The following NDP variants were observed in gnomAD, a reference collection of about 807,000 sequenced individuals.
The protein encoded by NDP is norrin.
In NDP, 2 loss-of-function variants were observed where a neutral mutation model predicts 8.4. The ratio of observed to expected loss-of-function variants is 0.24; its 90% confidence interval spans 0.10 to 0.75. NDP has a LOEUF of 0.75. NDP is among the 30% of genes least tolerant of loss of function. NDP has a pLI of 0.73. For synonymous variants in NDP, 55 were observed against 45.6 expected (o/e 1.21, Z -0.83); for missense variants, 81 against 110.1 (o/e 0.74, Z 1.18).
At chrX:43,971,425 A>T (rs2035890465) in intron 1 of NDP, among the ~76,000 whole-genome samples, 1 of 111,553 alleles carries the variant, frequency 9.0e-6, no homozygotes, top group Non-Finnish European at 1.9e-5. Flanking sequence ...TTGAAAAATG[A>T]TTTATTTTTC....
intron 2 of NDP, among the ~76,000 whole-genome samples, chrX:43,952,310 A>G (rs1471968367): frequency 9.0e-6 from 1 of 111,608 alleles, no homozygotes; most frequent in East Asian, 2.8e-4. Context: ...GCTGCTTGAT[A>G]CCTCACCTTG....
At chrX:43,972,666 C>G (rs2238975) in intron 1 of NDP, among the ~76,000 whole-genome samples, 32,411 of 110,873 alleles carry the variant, frequency 0.29, 3,481 homozygotes, top group African/African-American at 0.31. Context: ...CTCATCTCCT[C>G]CCGGTGCTCC....
intron 1 of NDP, among the ~76,000 whole-genome samples, chrX:43,971,522 G>A (rs1444471766): frequency 9.0e-6 from 1 of 111,563 alleles, no homozygotes; most frequent in Non-Finnish European, 1.9e-5. Flanking sequence ...TTGGTACACA[G>A]TCGTAAGAAG....
At chrX:43,967,290 A>C (rs2035863268) in intron 1 of NDP, among the ~76,000 whole-genome samples, 1 of 111,658 alleles carries the variant, frequency 9.0e-6, no homozygotes, top group Non-Finnish European at 1.9e-5. Context: ...CAGTGAAATC[A>C]CAGCAATGCA....
At position 43,949,882 on chromosome X, in the gene NDP, G is replaced by A. The variant is rs78267814; in HGVS notation, c.319C>T (p.Arg107Trp). 4 of 1,197,961 alleles carry A rather than the reference G, an allele frequency of 3.3e-6. No homozygotes were observed. The highest frequency in any genetic ancestry group is 2.3e-6 in the Non-Finnish European group (2 of 888,716). The change falls in exon 3 of 3, where the codon CGG (arginine) becomes TGG (tryptophan). Residue 107 changes from arginine (R) to tryptophan (W), a missense_variant. Arg to Trp is a moderately radical substitution (Grantham distance 101). Transcript: ENST00000642620. ...CGCATGCCCCCTGAGCATCGCAGCC[G>A]CAGTGCCTTCAGCTTGGAAGTCTGG... is the stretch of plus-strand genomic sequence containing the variant. ...RPQTSKLKAL[R>W]LRCSGGMRLT...
intron 1 of NDP, among the ~76,000 whole-genome samples, chrX:43,967,672 T>C (rs1227395092): frequency 1.8e-5 from 2 of 111,883 alleles, no homozygotes; most frequent in Non-Finnish European, 3.8e-5. Flanking sequence ...ACTTCTCCCC[T>C]GACCTGCTCT....
At chrX:43,956,101 G>A (rs1201998120) in intron 2 of NDP, among the ~76,000 whole-genome samples, 1 of 111,381 alleles carries the variant, frequency 9.0e-6, no homozygotes, top group Non-Finnish European at 1.9e-5. Context: ...TCCTTACCAG[G>A]ATAATGGGAA....
intron 1 of NDP, among the ~76,000 whole-genome samples, chrX:43,971,304 G>A (rs1039792580): frequency 5.3e-5 from 6 of 112,270 alleles, no homozygotes; most frequent in Non-Finnish European, 1.1e-4. Flanking sequence ...CTTGAATTGT[G>A]AGTTCTTAAA....
chrX:43,972,197 T>A (rs969161265), intron 1 of NDP, among the ~76,000 whole-genome samples: 1 of 111,774 alleles, frequency 8.9e-6, no homozygotes, highest in Non-Finnish European at 1.9e-5. Flanking sequence ...TACAAAGAAC[T>A]GTACAAGGGA....
At chrX:43,967,191 C>A (rs958814437) in intron 1 of NDP, among the ~76,000 whole-genome samples, 1 of 111,178 alleles carries the variant, frequency 9.0e-6, no homozygotes, top group Admixed American at 9.6e-5. Flanking sequence ...TTCCCTGTAA[C>A]AATACTATTC....
At chrX:43,970,300 T>C (rs1452919728) in intron 1 of NDP, among the ~76,000 whole-genome samples, 4 of 111,765 alleles carry the variant, frequency 3.6e-5, no homozygotes, top group Admixed American at 9.4e-5. Flanking sequence ...CTGCTCCCAC[T>C]GGCTGCTGGC....
Position 43,958,654 on chromosome X carries a change from G to A in NDP, c.-9C>T. 1.7e-6 allele frequency: 2 copies of A among 1,208,390 alleles called. No homozygotes were observed. Among genetic ancestry groups the A allele is most frequent in the Non-Finnish European group, 2.2e-6 (2 of 892,531 alleles). ...AGTACATGTTTTCTCATTGTTGTAA[G>A]GAAAAACTTCTCTAGAAGAACAGCA... On this transcript the variant is annotated 5_prime_UTR_variant, in exon 2 of 3. Transcript: ENST00000642620.
chrX:43,967,995 A>G (rs1236144283), intron 1 of NDP, among the ~76,000 whole-genome samples: 1 of 111,742 alleles, frequency 8.9e-6, no homozygotes, highest in Non-Finnish European at 1.9e-5. Context: ...CAAATCTTAT[A>G]CCCAGTTTAA....
At chrX:43,964,779 C>T (rs2035847632) in intron 1 of NDP, among the ~76,000 whole-genome samples, 1 of 112,034 alleles carries the variant, frequency 8.9e-6, no homozygotes, top group African/African-American at 3.2e-5. Context: ...GACTCAATTT[C>T]CTCATCTGCA....
intron 1 of NDP, among the ~76,000 whole-genome samples, chrX:43,963,570 T>C (rs910612257): frequency 1.8e-5 from 2 of 111,935 alleles, no homozygotes; most frequent in Admixed American, 1.9e-4. Context: ...ATCAAAGAAA[T>C]TGCAAAAACA....
intron 1 of NDP, among the ~76,000 whole-genome samples, chrX:43,970,801 C>T (rs745383833): frequency 1.8e-5 from 2 of 111,764 alleles, no homozygotes; most frequent in Non-Finnish European, 3.8e-5. Context: ...GAGTAGGCGA[C>T]TCACACCCAT....
chrX:43,953,665 AT>A (rs752980456), intron 2 of NDP, among the ~76,000 whole-genome samples: 1 of 113,413 alleles, frequency 8.8e-6, no homozygotes, highest in Non-Finnish European at 1.9e-5. Flanking sequence ...GATCTACACT[AT>A]TAGGACAGAT....
intron 1 of NDP, among the ~76,000 whole-genome samples, chrX:43,962,618 C>T (rs530704572): frequency 4.5e-5 from 5 of 111,907 alleles, no homozygotes; most frequent in African/African-American, 1.3e-4. Flanking sequence ...ATGCTGCCTA[C>T]GAAGACTTAG....
chrX:43,964,828 C>T (rs2035847934), intron 1 of NDP, among the ~76,000 whole-genome samples: 1 of 111,855 alleles, frequency 8.9e-6, no homozygotes, highest in South Asian at 3.8e-4. Flanking sequence ...ATGTGTCTAT[C>T]CATTTCTAAC....
Sources: allele counts gnomAD v4.1 joint callset (sites outside exome capture counted in the v4.1 genomes callset), GRCh38; gene constraint gnomAD v4.1.1; transcripts MANE v1.5; gene names NCBI Gene and HGNC (gene_info 2026-07-23, HGNC 2026-07-21).